COL28A1: variants seen among roughly 807,000 people sequenced by gnomAD.
The protein encoded by COL28A1 is collagen alpha-1(XXVIII) chain.
Under a neutral mutation model 150.2 loss-of-function variants are expected in COL28A1, and 161 were observed. The observed-to-expected ratio is 1.07, with a 90% CI of 0.94 to 1.22. The LOEUF is 1.22. Among genes scored for constraint, COL28A1 ranks in the 50% most tolerant of loss-of-function variants. The pLI is 0.00. For missense variants in COL28A1, 1,617 were observed against 1,388.3 expected (o/e 1.16, Z -2.62); for synonymous variants, 552 against 469.7 (o/e 1.18, Z -2.26).
chr7:7,441,513 G>GGGATGA (rs1222996003), intron 20 of COL28A1, among the ~76,000 whole-genome samples: 4 of 130,336 alleles, frequency 3.1e-5, no homozygotes, highest in African/African-American at 1.2e-4. Flanking sequence ...GATGTACACA[G>GGGATGA]CTCAACAAAC....
At chr7:7,467,903 A>T (rs1788164349) in intron 15 of COL28A1, among the ~76,000 whole-genome samples, 1 of 145,152 alleles carries the variant, frequency 6.9e-6, no homozygotes, top group Non-Finnish European at 1.5e-5. Context: ...TGTTCTTTGA[A>T]ACCAACGAGA....
intron 7 of COL28A1, among the ~76,000 whole-genome samples, chr7:7,517,043 A>G (rs1781452625): frequency 6.6e-6 from 1 of 152,200 alleles, no homozygotes; most frequent in South Asian, 2.1e-4. Flanking sequence ...TTATTTTTAC[A>G]TACTTGTATG....
intron 27 of COL28A1, among the ~76,000 whole-genome samples, chr7:7,396,335 T>C (rs150186510): frequency 1.9e-3 from 287 of 152,308 alleles, no homozygotes; most frequent in African/African-American, 6.5e-3. Flanking sequence ...AGCAAGTATA[T>C]ACATGATAAA....
chr7:7,366,584 T>A (rs1369016285), intron 33 of COL28A1, among the ~76,000 whole-genome samples: 3 of 152,232 alleles, frequency 2.0e-5, no homozygotes, highest in Non-Finnish European at 2.9e-5. Flanking sequence ...AATAATTAGT[T>A]GTTACGCAGG....
intron 7 of COL28A1, among the ~76,000 whole-genome samples, chr7:7,516,250 G>C (rs964255495): frequency 6.6e-6 from 1 of 152,196 alleles, no homozygotes; most frequent in Non-Finnish European, 1.5e-5. Context: ...AAAGAAATTG[G>C]CTTTGAAAAT....
At chr7:7,383,702 ATG>A (rs200999225) in intron 27 of COL28A1, among the ~76,000 whole-genome samples, 1,715 of 144,170 alleles carry the variant, frequency 0.012, 37 homozygotes, top group African/African-American at 0.038. Context: ...ATATATATAT[ATG>A]TATATGAGAT....
intron 15 of COL28A1, among the ~76,000 whole-genome samples, chr7:7,458,792 G>A (rs1299207335): frequency 6.6e-6 from 1 of 152,166 alleles, no homozygotes; most frequent in Non-Finnish European, 1.5e-5. Context: ...TTAGACGGCA[G>A]AGGTGACAGT....
chr7:7,383,682 GTA>G (rs772285848), intron 27 of COL28A1, among the ~76,000 whole-genome samples: 9,351 of 124,050 alleles, frequency 0.075, 393 homozygotes, highest in African/African-American at 0.089. Context: ...GTGTGTGTGT[GTA>G]TATATATATA....
intron 13 of COL28A1, among the ~76,000 whole-genome samples, chr7:7,482,201 G>A (rs1300077293): frequency 6.6e-6 from 1 of 152,160 alleles, no homozygotes; most frequent in East Asian, 1.9e-4. Flanking sequence ...CCTAAGATAA[G>A]TCTTTACCTT....
At chr7:7,432,391 T>C (rs890583658) in intron 25 of COL28A1, 82 bp downstream of exon 25, 1 of 1,096,348 alleles carries the variant, frequency 9.1e-7, no homozygotes, top group East Asian at 2.4e-5. Context: ...TTCTAGCTGA[T>C]AAAAAATTTT....
intron 25 of COL28A1, among the ~76,000 whole-genome samples, chr7:7,430,980 C>A (rs1784930975): frequency 6.6e-6 from 1 of 152,076 alleles, no homozygotes; most frequent in Non-Finnish European, 1.5e-5. Flanking sequence ...TCATCATTAC[C>A]CCCAGAAGCA....
chr7:7,412,164 G>C (rs1361037433), intron 27 of COL28A1, among the ~76,000 whole-genome samples: 2 of 152,068 alleles, frequency 1.3e-5, no homozygotes, highest in African/African-American at 4.8e-5. Context: ...GGGGATACAT[G>C]TCAAGTCCTG....
intron 11 of COL28A1, among the ~76,000 whole-genome samples, chr7:7,500,773 T>C (rs923504598): frequency 2.6e-5 from 4 of 152,206 alleles, no homozygotes; most frequent in South Asian, 2.1e-4. Flanking sequence ...TCCTCATTAG[T>C]ATATCATTAA....
downstream of COL28A1, among the ~76,000 whole-genome samples, chr7:7,352,016 G>A (rs1780240777): frequency 6.6e-6 from 1 of 152,114 alleles, no homozygotes; most frequent in African/African-American, 2.4e-5. Context: ...TCTCTCTGAA[G>A]CCTGCTACCT....
intron 28 of COL28A1, among the ~76,000 whole-genome samples, chr7:7,381,101 A>G (rs951312310): frequency 6.6e-6 from 1 of 152,148 alleles, no homozygotes; most frequent in African/African-American, 2.4e-5. Flanking sequence ...ATATAATACC[A>G]TCTAATCGGC....
chr7:7,346,301 A>AG, the COL28A1 span, among the ~76,000 whole-genome samples: 1 of 152,032 alleles, frequency 6.6e-6, no homozygotes, highest in Non-Finnish European at 1.5e-5. Flanking sequence ...TTTCAGCATA[A>AG]GGATTTGCCC....
At chr7:7,505,506 T>A (rs1562857662) in intron 11 of COL28A1, among the ~76,000 whole-genome samples, 1 of 152,146 alleles carries the variant, frequency 6.6e-6, no homozygotes, top group African/African-American at 2.4e-5. Flanking sequence ...ATTCAACCCC[T>A]CCCTATTTGT....
Position 7,453,514 on chromosome 7 carries a change from A to C in COL28A1, c.1372-6T>G. ...CCAATAGGACCTTGGATTCCCTTTA[A>C]AATAAAATTTTATAAAATAGTGTTA... On this transcript the variant is annotated splice_polypyrimidine_tract_variant and splice_region_variant and intron_variant, in intron 16 of 34. Coordinates refer to ENST00000399429, the MANE Select transcript of COL28A1 (RefSeq NM_001037763.3). 9.6e-7 allele frequency: 1 copy of C among 1,043,934 alleles called. No homozygotes were observed. Among genetic ancestry groups the C allele is most frequent in the Non-Finnish European group, 1.5e-6 (1 of 668,778 alleles). 64.7% of individuals were successfully genotyped at this position (1,043,934 alleles called of 1,614,324 possible).
intron 26 of COL28A1, among the ~76,000 whole-genome samples, 160 bp from the exon 27 acceptor site, chr7:7,418,087 A>G (rs1784205241): frequency 1.3e-5 from 2 of 152,244 alleles, no homozygotes; most frequent in South Asian, 4.1e-4. Context: ...TGCTTCCCCA[A>G]TATTTTTAAA....
Sources: gnomAD v4.1 joint callset for allele counts (sites outside exome capture counted in the v4.1 genomes callset) on GRCh38, gnomAD v4.1.1 for gene constraint, MANE v1.5 for transcripts, NCBI Gene and HGNC (gene_info 2026-07-23, HGNC 2026-07-21) for gene names.